The following MYO7A variants were observed in gnomAD, a reference collection of about 807,000 sequenced individuals.
The protein encoded by MYO7A is myosin VIIA.
Under a neutral mutation model 263.8 loss-of-function variants are expected in MYO7A, and 210 were observed. That is an observed-to-expected ratio of 0.80 (90% CI 0.71 to 0.89). The LOEUF (loss-of-function observed/expected upper bound fraction) is 0.89. Among genes scored for constraint, MYO7A ranks in the 40% least tolerant of loss-of-function variants. MYO7A has a pLI of 0.00. For synonymous variants in MYO7A, 1,239 were observed against 1,197.3 expected (o/e 1.03, Z -0.72); for missense variants, 2,820 against 2,968.3 (o/e 0.95, Z 1.16).
At chr11:77,180,614 C>A (rs981495875) in intron 22 of MYO7A, 133 bp downstream of exon 22, 2 of 744,992 alleles carry the variant, frequency 2.7e-6, no homozygotes, top group South Asian at 1.8e-5. Flanking sequence ...TAGACCCACT[C>A]AGCCAGCATT....
At chr11:77,203,766 G>T (rs560602109) in intron 38 of MYO7A, among the ~76,000 whole-genome samples, 11 of 152,256 alleles carry the variant, frequency 7.2e-5, no homozygotes, top group Non-Finnish European at 1.3e-4. Flanking sequence ...CTTAGGCAGG[G>T]TTCCCAAGCC....
chr11:77,179,835 G>A lies in MYO7A; in HGVS notation c.2468G>A (p.Arg823His), dbSNP rs533027065. The A allele has an allele frequency of 2.9e-5, 45 of 1,543,552 alleles. No individual in the cohort carries two copies. The East Asian group carries it at 3.7e-4, about 13-fold the overall frequency. Residue 823 changes from arginine to histidine, a missense_variant, in exon 21 of 49, where the codon CGC (arginine) becomes CAC (histidine). Arg to His is a conservative substitution (Grantham distance 29). Coordinates refer to ENST00000409709, the MANE Select transcript of MYO7A (RefSeq NM_000260.4). ...ARQRIIQFQA[R>H]CRAYLVRKAF... ...CAGCGCATCATCCAGTTCCAGGCCC[G>A]CTGCCGCGCCTATCTGGTGCGCAAG... is the stretch of plus-strand genomic sequence containing the variant.
At chr11:77,152,999 G>C (rs1378280731) in intron 4 of MYO7A, among the ~76,000 whole-genome samples, 1 of 152,186 alleles carries the variant, frequency 6.6e-6, no homozygotes, top group Non-Finnish European at 1.5e-5. Flanking sequence ...AGGAGCCAGG[G>C]CTTGGGGCCT....
intron 15 of MYO7A, among the ~76,000 whole-genome samples, chr11:77,168,352 A>G (rs1190026966): frequency 6.6e-6 from 1 of 152,220 alleles, no homozygotes; most frequent in Non-Finnish European, 1.5e-5. Context: ...GAGAATTAGG[A>G]TACAACAGTG....
intron 15 of MYO7A, among the ~76,000 whole-genome samples, chr11:77,166,712 T>C (rs1953583769): frequency 1.3e-5 from 2 of 152,170 alleles, no homozygotes; most frequent in Admixed American, 1.3e-4. Context: ...GGAGGGTGCA[T>C]GAAGTCCTCA....
In MYO7A at chr11:77,212,981, C is replaced by T. The variant is rs748743374; in HGVS notation, c.6384C>T (p.Ile2128=). The T allele has an allele frequency of 7.1e-5, 114 of 1,596,304 alleles. No homozygotes were observed. The highest frequency in any genetic ancestry group is 9.5e-5 in the Non-Finnish European group (111 of 1,170,978). The part of the protein sequence containing the change: ...KQTTEPNFPE[I]LLIAINKYGV... ...CTACGGAGCCAAACTTCCCTGAGAT[C>T]CTCCTAATTGCCATCAACAAGTATG... The change falls in exon 47 of 49, where the codon ATC becomes ATT. Residue 2128 remains isoleucine (I), a synonymous_variant. Transcript: ENST00000409709.
intron 19 of MYO7A, among the ~76,000 whole-genome samples, chr11:77,178,298 CA>C (rs1322177301): frequency 2.7e-4 from 2 of 7,288 alleles, no homozygotes; most frequent in Non-Finnish European, 6.2e-4. Flanking sequence ...CCTATCCACC[CA>C]CACATTCATC....
intron 23 of MYO7A, 138 bp from the exon 24 acceptor site, chr11:77,181,813 C>T (rs1295487375): frequency 4.4e-5 from 24 of 550,120 alleles, no homozygotes; most frequent in South Asian, 2.7e-4. Context: ...GAGATGGGGT[C>T]GTACCCTGTT....
In MYO7A at chr11:77,203,147, C is replaced by G. The variant is rs768812246; in HGVS notation, c.5256C>G (p.Leu1752=). The stretch of plus-strand genomic sequence containing the variant: ...TGTGGAGCCACACGCGGGAACCGCT[C>G]AAGCAGGCGCTGCTCAAGAAGCTCC... ...DRLWSHTREP[L]KQALLKKLLG... The change falls in exon 38 of 49, where the codon CTC becomes CTG. Residue 1752 remains leucine, a synonymous_variant. Transcript: ENST00000409709. 1 of 1,550,912 alleles carries G rather than the reference C, an allele frequency of 6.4e-7. No individual in the cohort carries two copies. Among genetic ancestry groups the G allele is most frequent in the Admixed American group, 2.0e-5 (1 of 51,196 alleles).
At chr11:77,194,255 G>C (rs1956469942) in intron 31 of MYO7A, 99 bp from the exon 32 acceptor site, 2 of 1,367,740 alleles carry the variant, frequency 1.5e-6, no homozygotes, top group Non-Finnish European at 2.0e-6. Flanking sequence ...AGAGCTACAG[G>C]AGGCAGGGCC....
chr11:77,211,039 C>T, intron 44 of MYO7A, 113 bp from the exon 45 acceptor site: 1 of 980,906 alleles, frequency 1.0e-6, no homozygotes, highest in Non-Finnish European at 1.5e-6. Flanking sequence ...GGTGGGTGGG[C>T]CCATGTGCGG....
intron 23 of MYO7A, 96 bp from the exon 24 acceptor site, chr11:77,181,855 G>T (rs1476986145): frequency 9.6e-7 from 1 of 1,039,178 alleles, no homozygotes; most frequent in Non-Finnish European, 1.4e-6. Context: ...CGTGATCACA[G>T]CTCACTGCAG....
chr11:77,189,878 G>C (rs1955915756), intron 28 of MYO7A, 142 bp from the exon 29 acceptor site: 1 of 1,340,440 alleles, frequency 7.5e-7, no homozygotes, highest in Non-Finnish European at 9.9e-7. Context: ...GAAATAGATG[G>C]TGGAGCTGAG....
At position 77,157,720 on chromosome 11, in the gene MYO7A, G is replaced by A. The variant is rs73495720; in HGVS notation, c.849+328G>A. Among the ~76,000 whole-genome samples, 11,500 of 152,280 alleles carry A rather than the reference G, an allele frequency of 0.076. 1,453 individuals carry two copies. Among genetic ancestry groups the A allele is most frequent in the African/African-American group, 0.26 (10,803 of 41,522 alleles). On this transcript the variant is annotated intron_variant, in intron 8 of 48. Coordinates refer to ENST00000409709, the MANE Select transcript of MYO7A (RefSeq NM_000260.4). Reference sequence around the variant, plus strand: ...AAGTGTGGGCTATGGCACCTGAAGCGTATATGTGTGTGTGCATGTGTGTGT... The same window carrying A: ...AAGTGTGGGCTATGGCACCTGAAGCATATATGTGTGTGTGCATGTGTGTGT...
Position 77,214,820 on chromosome 11 carries a change from C to A in MYO7A, c.*124C>A. 1 of 749,790 alleles carries A rather than the reference C, an allele frequency of 1.3e-6. No individual in the cohort carries two copies. The highest frequency in any genetic ancestry group is 2.2e-6 in the Non-Finnish European group (1 of 454,808). The allele number at this position is 749,790 out of a possible 1,614,324, so 46.4% of individuals were successfully genotyped here. On this transcript the variant is annotated 3_prime_UTR_variant, in exon 49 of 49. Transcript: ENST00000409709. Reference sequence around the variant, plus strand: ...CCGGCAGCGAGGCTGGGCTGGCCAGCCACCACTGACTATACCAACTGGGCC... The same window carrying A: ...CCGGCAGCGAGGCTGGGCTGGCCAGACACCACTGACTATACCAACTGGGCC...
intron 13 of MYO7A, 60 bp from the exon 14 acceptor site, chr11:77,162,793 G>A: frequency 1.3e-6 from 2 of 1,581,406 alleles, no homozygotes; most frequent in Non-Finnish European, 8.6e-7. Context: ...ACATGGGCAG[G>A]GAGGGGAGTG....
intron 14 of MYO7A, among the ~76,000 whole-genome samples, chr11:77,164,138 T>A (rs1366552305): frequency 6.6e-6 from 1 of 152,170 alleles, no homozygotes; most frequent in Non-Finnish European, 1.5e-5. Flanking sequence ...GACAGGCAAT[T>A]GGGTTCACGT....
intron 31 of MYO7A, among the ~76,000 whole-genome samples, chr11:77,192,977 G>GT (rs1555094035): frequency 4.7e-5 from 1 of 21,122 alleles, no homozygotes; most frequent in Admixed American, 5.8e-4. Flanking sequence ...GGTGGAGGTA[G>GT]TTGTGATGGT....
Position 77,214,620 on chromosome 11 carries a change from A to G in MYO7A, c.6572A>G (p.Asp2191Gly). ...LCETSLGYKM[D>G]DLLTSYISQM... ...CCCTGCTTCCAGGGCTACAAGATGG[A>G]TGACCTCCTGACTTCCTACATTAGC... is the stretch of plus-strand genomic sequence containing the variant. The change falls in exon 49 of 49, where the codon GAT becomes GGT. Residue 2191 changes from aspartate to glycine, a missense_variant. Physicochemically the swap from Asp to Gly is moderately conservative, Grantham distance 94 (BLOSUM62 -1). Coordinates refer to ENST00000409709, the MANE Select transcript of MYO7A (RefSeq NM_000260.4). 1 of 1,582,936 alleles carries G rather than the reference A, an allele frequency of 6.3e-7. No individual in the cohort carries two copies. Among genetic ancestry groups the G allele is most frequent in the Non-Finnish European group, 8.6e-7 (1 of 1,164,378 alleles).
Sources: allele counts gnomAD v4.1 joint callset (sites outside exome capture counted in the v4.1 genomes callset), GRCh38; gene constraint gnomAD v4.1.1; transcripts MANE v1.5; gene names NCBI Gene and HGNC (gene_info 2026-07-23, HGNC 2026-07-21).